The following ESS2 variants were observed in gnomAD, a reference collection of about 807,000 sequenced individuals.
ESS2 encodes the protein ess-2 spliceosome associated protein.
In ESS2, 31 loss-of-function variants were observed where a neutral mutation model predicts 52.0. The ratio of observed to expected loss-of-function variants is 0.60; its 90% CI spans 0.45 to 0.81. The LOEUF (loss-of-function observed/expected upper bound fraction) is 0.81. Among genes scored for constraint, ESS2 ranks in the 30% least tolerant of loss-of-function variants. The probability of loss-of-function intolerance (pLI) is 0.00; values close to 1 mark genes in which losing one functional copy is unlikely to be tolerated. For missense variants in ESS2, 602 were observed against 637.2 expected, an observed-to-expected ratio of 0.94 and a Z score of 0.59; for synonymous variants, 285 against 259.2, an observed-to-expected ratio of 1.10 and a Z score of -0.95.
In ESS2 at chr22:19,137,908, G is replaced by A. The variant is rs573910350; in HGVS notation, c.925+307C>T. On this transcript the variant is annotated intron_variant, in intron 7 of 9. Coordinates refer to ENST00000252137, the MANE Select transcript of ESS2 (RefSeq NM_022719.3). ...GCCTCCCTCCCTGCAGTGCTAGGTA[G>A]ACTTAGACTCATAAGCACTGTGCAC... is the stretch of plus-strand genomic sequence containing the variant. 12 of 985,370 alleles carry A rather than the reference G, an allele frequency of 1.2e-5. No homozygotes were observed. In the East Asian group the frequency reaches 1.3e-3, roughly 103 times the overall value. The allele number at this position is 985,370 out of a possible 1,614,324, so 61.0% of individuals were successfully genotyped here.
intron 1 of ESS2, chr22:19,144,296 G>T (rs370982121): frequency 2.3e-6 from 3 of 1,329,016 alleles, no homozygotes; most frequent in South Asian, 1.9e-5. Flanking sequence ...AAAGAGAGCC[G>T]CTCTCTCTTT....
At position 19,132,633 on chromosome 22, in the gene ESS2, G is replaced by C. The variant is rs2083522404; in HGVS notation, c.*1563C>G. On this transcript the variant is annotated 3_prime_UTR_variant, in exon 10 of 10. Coordinates refer to ENST00000252137, the MANE Select transcript of ESS2 (RefSeq NM_022719.3). The surrounding 1 kb of genome is among the most constrained non-coding windows in gnomAD (Gnocchi z 4.2). ...CCACTATTTTGATTACGTTCCATTA[G>C]CTTTCTTCCACTTAGCAGCAAAGAC... 2 of 742,536 alleles carry C rather than the reference G, an allele frequency of 2.7e-6. No homozygotes were observed. Among genetic ancestry groups the C allele is most frequent in the East Asian group, 5.1e-5 (2 of 39,078 alleles). The allele number at this position is 742,536 out of a possible 1,614,324, so 46.0% of individuals were successfully genotyped here.
chr22:19,132,036 T>G lies in ESS2; in HGVS notation c.*2160A>C. ...GATCCTGTACATCATGGTCTGCGGC[T>G]CCATGCCCTATGACGACTCCGACAT... On this transcript the variant is annotated 3_prime_UTR_variant, in exon 10 of 10. Transcript: ENST00000252137. This position sits in a 1 kb window ranked among gnomAD's most constrained non-coding sequence, Gnocchi z 4.2. 1 of 1,614,006 alleles carries G rather than the reference T, an allele frequency of 6.2e-7. No individual in the cohort carries two copies. The highest frequency in any genetic ancestry group is 2.2e-5 in the East Asian group (1 of 44,870).
chr22:19,139,675 T>C lies in ESS2; in HGVS notation c.625A>G (p.Ser209Gly). The C allele has an allele frequency of 6.2e-7, 1 of 1,614,222 alleles. No homozygotes were observed. The highest frequency in any genetic ancestry group is 8.5e-7 in the Non-Finnish European group (1 of 1,180,032). ...TTCCAGGTCTCCACACTGGCCTGGC[T>C]GCTCTCGATGGCCTGGTGCTCTGCT... ...PSAEHQAIES[S>G]QASVETWKYK... is the part of the protein sequence containing the mutation. The change falls in exon 5 of 10, where the codon AGC (serine) becomes GGC (glycine). Residue 209 changes from serine (S) to glycine (G), a missense_variant. Transcript: ENST00000252137.
In ESS2 at chr22:19,132,562, T is replaced by C. The variant is rs1394036818; in HGVS notation, c.*1634A>G. The C allele has an allele frequency of 2.2e-6, 3 of 1,368,472 alleles. No homozygotes were observed. The highest frequency in any genetic ancestry group is 1.4e-5 in the African/African-American group (1 of 68,982). The allele number at this position is 1,368,472 out of a possible 1,614,324, so 84.8% of individuals were successfully genotyped here. On this transcript the variant is annotated 3_prime_UTR_variant, in exon 10 of 10. Transcript: ENST00000252137. The surrounding 1 kb of genome is among the most constrained non-coding windows in gnomAD (Gnocchi z 4.2). Reference sequence around the variant, plus strand: ...CCTTCACGTAAACTAAGTAGGCAGGTAGGATCTGAAGAAGGCACAGGTGCA... The same window carrying C: ...CCTTCACGTAAACTAAGTAGGCAGGCAGGATCTGAAGAAGGCACAGGTGCA...
At chr22:19,143,457 C>T (rs1266507349) in intron 1 of ESS2, among the ~76,000 whole-genome samples, 2 of 152,224 alleles carry the variant, frequency 1.3e-5, no homozygotes, top group Non-Finnish European at 2.9e-5. Context: ...CTCTCTCGCC[C>T]TTGCTAACTG....
In ESS2 at chr22:19,139,961, TA is replaced by T. The variant is rs1258000616; in HGVS notation, c.463del (p.Tyr155ThrfsTer106). On this transcript the variant is annotated frameshift_variant, in exon 4 of 10. Transcript: ENST00000252137. LOFTEE classifies it high-confidence loss of function. ...GAAGGAGGCATTGTCCTCACTCGTGTAGCGGCTCAGGAAGACATCTAGGCTG... is the reference window on the plus strand; with the variant it reads ...GAAGGAGGCATTGTCCTCACTCGTGTGCGGCTCAGGAAGACATCTAGGCTG... Reference protein sequence around the residue: ...LPSLDVFLSRYTSEDNASFQE... With the variant: ...LPSLDVFLSRXTSEDNASFQE... 1.9e-6 allele frequency: 3 copies of T among 1,613,996 alleles called. No individual in the cohort carries two copies. The highest frequency in any genetic ancestry group is 2.5e-6 in the Non-Finnish European group (3 of 1,180,040).
intron 1 of ESS2, chr22:19,144,226 T>A (rs1156262590): frequency 8.3e-7 from 1 of 1,201,872 alleles, no homozygotes; most frequent in Non-Finnish European, 1.0e-6. Flanking sequence ...CCTTCCAGTT[T>A]GTCAAACTCC....
Position 19,132,270 on chromosome 22 carries a change from G to A in ESS2, c.*1926C>T. 3 of 1,613,046 alleles carry A rather than the reference G, an allele frequency of 1.9e-6. No individual in the cohort carries two copies. Among genetic ancestry groups the A allele is most frequent in the South Asian group, 1.1e-5 (1 of 91,024 alleles). On this transcript the variant is annotated 3_prime_UTR_variant, in exon 10 of 10. Transcript: ENST00000252137. The surrounding 1 kb of genome is among the most constrained non-coding windows in gnomAD (Gnocchi z 4.2). ...TGCCTCCTTCAAGAGGGAGGGGGAG[G>A]GCAAGTACCGCGCTGAGTGCAAACT...
chr22:19,134,613 T>A lies in ESS2; in HGVS notation c.1152-138A>T, dbSNP rs1437682693. The stretch of plus-strand genomic sequence containing the variant: ...GCTGAGGAGGATGGTACTGCCAGCA[T>A]GGCAGCAAATGCGGGGGATCCCTGA... On this transcript the variant is annotated intron_variant, in intron 9 of 9. Transcript: ENST00000252137. 6 of 923,650 alleles carry A rather than the reference T, an allele frequency of 6.5e-6. No homozygotes were observed. In the African/African-American group the frequency reaches 6.8e-5, roughly 11 times the overall value. 57.2% of individuals were successfully genotyped at this position (923,650 alleles called of 1,614,324 possible). A position where few individuals can be genotyped will look rare whatever the true frequency, so the allele number is the denominator to read the frequency against.
In ESS2 at chr22:19,131,177, A is replaced by C. The variant is rs1283101345; in HGVS notation, c.*3019T>G. On this transcript the variant is annotated 3_prime_UTR_variant, in exon 10 of 10. Transcript: ENST00000252137. This position sits in a 1 kb window ranked among gnomAD's most constrained non-coding sequence, Gnocchi z 5.7. ...ACCAGCCTGGCTTCCACGGTTCCAG[A>C]GACCCTGTTCTCCCTCAGCCCAGTC... 5.7e-6 allele frequency: 3 copies of C among 527,320 alleles called. No individual in the cohort carries two copies. The highest frequency in any genetic ancestry group is 1.0e-5 in the Non-Finnish European group (3 of 298,112). The allele number at this position is 527,320 out of a possible 1,614,324, so 32.7% of individuals were successfully genotyped here.
At chr22:19,143,049 AC>A (rs2083718930) in intron 1 of ESS2, among the ~76,000 whole-genome samples, 155 bp from the exon 2 acceptor site, 1 of 152,036 alleles carries the variant, frequency 6.6e-6, no homozygotes, top group South Asian at 2.1e-4. Flanking sequence ...TACTAGAAAT[AC>A]AAAAATTAGC....
rs1302773116 is a variant in ESS2, at chr22:19,139,898, G to A, written c.527C>T (p.Ala176Val). Residue 176 changes from alanine (A) to valine (V), a missense_variant, in exon 4 of 10, where the codon GCA becomes GTA. Coordinates refer to ENST00000252137, the MANE Select transcript of ESS2 (RefSeq NM_022719.3). Reference protein sequence around the residue: ...IMEVAKERSRARHAWLYQAEE... With the variant: ...IMEVAKERSRVRHAWLYQAEE... Reference sequence around the variant, plus strand: ...AGCCTGGTAGAGCCAAGCGTGGCGTGCCCGGCTTCTCTCCTTGGCCACCTC... The same window carrying A: ...AGCCTGGTAGAGCCAAGCGTGGCGTACCCGGCTTCTCTCCTTGGCCACCTC... The A allele has an allele frequency of 6.2e-7, 1 of 1,614,054 alleles. No individual in the cohort carries two copies. Among genetic ancestry groups the A allele is most frequent in the African/African-American group, 1.3e-5 (1 of 74,916 alleles).
Position 19,132,024 on chromosome 22 carries a change from AT to A in ESS2, c.*2171del, listed in dbSNP as rs759077282. 37 of 1,614,100 alleles carry A rather than the reference AT, an allele frequency of 2.3e-5. 3 individuals are homozygous for A. The South Asian group carries it at 4.1e-4, about 18-fold the overall frequency. On this transcript the variant is annotated 3_prime_UTR_variant, in exon 10 of 10. Transcript: ENST00000252137. The surrounding 1 kb of genome is among the most constrained non-coding windows in gnomAD (Gnocchi z 4.2). ...GAGCCTGGGCGTGATCCTGTACATC[AT>A]GGTCTGCGGCTCCATGCCCTATGAC...
At position 19,131,607 on chromosome 22, in the gene ESS2, G is replaced by A. The variant is rs141724999; in HGVS notation, c.*2589C>T. Reference sequence around the variant, plus strand: ...GGACATCCTGGCAACTGTCAACCACGGCTCCATCATCAAGACTTACGAGAT... The same window carrying A: ...GGACATCCTGGCAACTGTCAACCACAGCTCCATCATCAAGACTTACGAGAT... On this transcript the variant is annotated 3_prime_UTR_variant, in exon 10 of 10. Coordinates refer to ENST00000252137, the MANE Select transcript of ESS2 (RefSeq NM_022719.3). The surrounding 1 kb of genome is among the most constrained non-coding windows in gnomAD (Gnocchi z 5.7). 2.1e-5 allele frequency: 34 copies of A among 1,613,914 alleles called. No homozygotes were observed. The highest frequency in any genetic ancestry group is 1.5e-4 in the South Asian group (14 of 91,078).
intron 9 of ESS2, among the ~76,000 whole-genome samples, chr22:19,134,692 T>C (rs912049294): frequency 3.3e-5 from 5 of 152,032 alleles, no homozygotes. Flanking sequence ...GCACCGCCCT[T>C]GGCTGTGGGG....
intron 8 of ESS2, among the ~76,000 whole-genome samples, chr22:19,135,726 T>C (rs2083569987): frequency 6.6e-6 from 1 of 152,196 alleles, no homozygotes; most frequent in Non-Finnish European, 1.5e-5. Flanking sequence ...AAGTCCCTCC[T>C]AACTTAAGAT....
intron 1 of ESS2, among the ~76,000 whole-genome samples, chr22:19,143,202 CAAAAAAA>C (rs10632625): frequency 6.2e-5 from 7 of 113,056 alleles, no homozygotes; most frequent in East Asian, 2.4e-4. Flanking sequence ...GAGACCGTCT[CAAAAAAA>C]AAAAAAAAAA....
Position 19,139,195 on chromosome 22 carries a change from C to G in ESS2, c.786G>C (p.Arg262Ser). ...LRDPFSQALS[R>S]CQLQQAAALN... Reference sequence around the variant, plus strand: ...GGGCGGCTGCCTGCTGGAGCTGGCACCTGCTCAGGGCTTGGCTGAAGGGGT... The same window carrying G: ...GGGCGGCTGCCTGCTGGAGCTGGCAGCTGCTCAGGGCTTGGCTGAAGGGGT... Residue 262 changes from arginine to serine, a missense_variant, in exon 6 of 10, where the codon AGG (arginine) becomes AGC (serine). Physicochemically the swap from Arg to Ser is moderately radical, Grantham distance 110. Transcript: ENST00000252137. 6.2e-7 allele frequency: 1 copy of G among 1,605,972 alleles called. No individual in the cohort carries two copies. The highest frequency in any genetic ancestry group is 8.5e-7 in the Non-Finnish European group (1 of 1,176,000).
Sources: gnomAD v4.1 joint callset for allele counts (sites outside exome capture counted in the v4.1 genomes callset) on GRCh38, gnomAD v4.1.1 for gene constraint, Gnocchi (gnomAD v3.1) non-coding constraint, MANE v1.5 for transcripts, NCBI Gene and HGNC (gene_info 2026-07-23, HGNC 2026-07-21) for gene names.